Variants in TUBGCP5 observed in about 807,000 individuals in gnomAD.
TUBGCP5 encodes tubulin gamma complex component 5, also known as gamma-tubulin complex component 5.
A neutral mutation model predicts 134.7 loss-of-function variants in TUBGCP5; 98 were observed. The ratio of observed to expected loss-of-function variants is 0.73; its 90% confidence interval spans 0.62 to 0.86. The LOEUF (loss-of-function observed/expected upper bound fraction) is 0.86. TUBGCP5 is among the 40% of genes least tolerant of loss of function. The pLI, the probability that TUBGCP5 is intolerant of heterozygous loss-of-function variation, is 0.00. For synonymous variants in TUBGCP5, 456 were observed against 431.4 expected, an observed-to-expected ratio of 1.06 and a Z score of -0.71; for missense variants, 1,150 against 1,244.8, an observed-to-expected ratio of 0.92 and a Z score of 1.15.
intron 13 of TUBGCP5, among the ~76,000 whole-genome samples, chr15:23,012,738 T>C (rs758309806): frequency 6.6e-6 from 1 of 152,176 alleles, no homozygotes; most frequent in Non-Finnish European, 1.5e-5. Context: ...TATGATCGAG[T>C]CTGAACTGCT....
chr15:23,032,063 T>C (rs767779594), intron 4 of TUBGCP5, 34 bp from the exon 5 acceptor site: 3 of 1,534,490 alleles, frequency 2.0e-6, no homozygotes, highest in Non-Finnish European at 1.8e-6. Flanking sequence ...ATTGGCTTTA[T>C]TATATCTATC....
intron 9 of TUBGCP5, 134 bp downstream of exon 9, chr15:23,024,603 G>C (rs899964948): frequency 3.6e-6 from 2 of 553,096 alleles, no homozygotes; most frequent in Non-Finnish European, 6.2e-6. Context: ...ATATTTTTAA[G>C]TTAGCTTTTT....
chr15:23,031,133 A>C, intron 5 of TUBGCP5, 113 bp from the exon 6 acceptor site: 1 of 1,056,488 alleles, frequency 9.5e-7, no homozygotes. Flanking sequence ...AGCAACATGG[A>C]ACAGAAAAAC....
At chr15:23,035,260 T>C (rs2066518413) in intron 3 of TUBGCP5, among the ~76,000 whole-genome samples, 1 of 147,782 alleles carries the variant, frequency 6.8e-6, no homozygotes, top group African/African-American at 2.5e-5. Context: ...ATCTGGGAAG[T>C]GGGGGTTGCA....
intron 19 of TUBGCP5, 29 bp downstream of exon 19, chr15:23,005,403 G>C: frequency 6.2e-7 from 1 of 1,609,802 alleles, no homozygotes; most frequent in South Asian, 1.1e-5. Context: ...TACGACGATA[G>C]AACTGAAGCA....
rs746991463 is a variant in TUBGCP5 at position 23,036,887 on chromosome 15, G to C, written c.309+10C>G. ...AATACACAGTGGAGATCTCATAATT[G>C]AAGGCATACCTTTATTTCCTTTATA... On this transcript the variant is annotated intron_variant, in intron 3 of 22. Coordinates refer to ENST00000615383, the MANE Select transcript of TUBGCP5 (RefSeq NM_052903.6). The C allele has an allele frequency of 2.0e-6, 3 of 1,511,632 alleles. No individual in the cohort carries two copies. Among genetic ancestry groups the C allele is most frequent in the Non-Finnish European group, 2.7e-6 (3 of 1,095,810 alleles). The allele number at this position is 1,511,632 out of a possible 1,614,324, so 93.6% of individuals were successfully genotyped here.
At chr15:23,036,576 TACAG>T (rs1419475294) in intron 3 of TUBGCP5, among the ~76,000 whole-genome samples, 1 of 152,098 alleles carries the variant, frequency 6.6e-6, no homozygotes, top group Admixed American at 6.6e-5. Flanking sequence ...AGTAAGCATC[TACAG>T]ACAGTCACTG....
intron 15 of TUBGCP5, 31 bp from the exon 16 acceptor site, chr15:23,008,912 A>C (rs558568351): frequency 6.7e-7 from 1 of 1,503,236 alleles, no homozygotes; most frequent in South Asian, 1.4e-5. Flanking sequence ...TGACACTAAG[A>C]TCTCTGGCAT....
rs1394733092 is a variant in TUBGCP5 at position 22,999,858 on chromosome 15, G to C, written c.3037C>G (p.Leu1013Val). The change falls in exon 23 of 23, where the codon CTA becomes GTA. Residue 1013 changes from leucine (L) to valine (V), a missense_variant. Leu to Val is a conservative substitution (Grantham distance 32). This residue lies in a region of TUBGCP5 where 697 missense variants were observed against 850.1 expected (regional missense o/e 0.82). Coordinates refer to ENST00000615383, the MANE Select transcript of TUBGCP5 (RefSeq NM_052903.6). The part of the protein sequence containing the change: ...CRGSFPHLES[L>V]ALSLMAGMEQ... ...ATGCCAGCCATGAGTGACAACGCTA[G>C]AGATTCCACTGTGGGAAGAATAAAA... 6.8e-6 allele frequency: 11 copies of C among 1,613,946 alleles called. No homozygotes were observed. Among genetic ancestry groups the C allele is most frequent in the Middle Eastern group, 1.6e-4 (1 of 6,062 alleles).
chr15:23,005,624 G>A lies in TUBGCP5; in HGVS notation c.2534-14C>T, dbSNP rs768498970. ...TACTAACCAGTTCTATAAAACATTG[G>A]AAGAGCAAAGTGGACAGAAAGAGCA... is the stretch of plus-strand genomic sequence containing the variant. On this transcript the variant is annotated splice_polypyrimidine_tract_variant and intron_variant, in intron 18 of 22. Transcript: ENST00000615383. The A allele has an allele frequency of 3.2e-5, 52 of 1,607,030 alleles. 1 individual carries two copies. The highest frequency in any genetic ancestry group is 1.4e-4 in the Admixed American group (8 of 59,138).
Position 22,989,920 on chromosome 15 carries a change from G to T in TUBGCP5, c.*62-6309C>A, listed in dbSNP as rs1039123629. ...TTTATTTCTTCTGCAGTGAAAACAT[G>T]TGGACTCCAACCAAGAACCCAACCA... On this transcript the variant is annotated intron_variant and NMD_transcript_variant, in intron 23 of 23. Transcript: ENST00000614508. Among the ~76,000 whole-genome samples, 3 of 152,136 alleles carry T rather than the reference G, an allele frequency of 2.0e-5. No homozygotes were observed. In the South Asian group the frequency reaches 6.2e-4, roughly 31 times the overall value.
At chr15:23,005,347 A>G in intron 19 of TUBGCP5, 85 bp downstream of exon 19, 1 of 1,456,604 alleles carries the variant, frequency 6.9e-7, no homozygotes, top group Admixed American at 2.2e-5. Flanking sequence ...GGTATTTTTT[A>G]CTTATAAACA....
In TUBGCP5 at chr15:23,006,283, C is replaced by G; in HGVS notation, c.2397G>C (p.Leu799=). 6.2e-7 allele frequency: 1 copy of G among 1,610,854 alleles called. No individual in the cohort carries two copies. Among genetic ancestry groups the G allele is most frequent in the Non-Finnish European group, 8.5e-7 (1 of 1,179,334 alleles). Residue 799 remains leucine (L), a synonymous_variant, in exon 17 of 23, where the codon CTG becomes CTC. Coordinates refer to ENST00000615383, the MANE Select transcript of TUBGCP5 (RefSeq NM_052903.6). ...CAGCATATACCTTGTAGCTGAGGGT[C>G]AGACCATCTAAGATATGAACAGGCA... ...KKLPVHILDG[L]TLSYKVPWPV...
intron 11 of TUBGCP5, among the ~76,000 whole-genome samples, chr15:23,019,726 G>A (rs1157664421): frequency 6.6e-6 from 1 of 151,938 alleles, no homozygotes; most frequent in East Asian, 1.9e-4. Flanking sequence ...GAATCTGGCA[G>A]GTGGAGGCTG....
rs376487160 is a variant in TUBGCP5, at chr15:23,017,762, G to A, written c.1756+11C>T. 47 of 1,609,470 alleles carry A rather than the reference G, an allele frequency of 2.9e-5. No individual in the cohort carries two copies. The highest frequency in any genetic ancestry group is 3.7e-5 in the Non-Finnish European group (43 of 1,176,974). ...AACACCAAGAGAGACACAGGAAGAC[G>A]GAACAAGTACCTCTGGCTCCTGCCT... On this transcript the variant is annotated intron_variant, in intron 13 of 22. Transcript: ENST00000615383.
intron 23 of TUBGCP5, among the ~76,000 whole-genome samples, chr15:22,992,376 A>G (rs545893270): frequency 3.3e-5 from 5 of 152,278 alleles, no homozygotes; most frequent in African/African-American, 9.6e-5. Context: ...AGGCAGCCCT[A>G]TGGAAACTGA....
chr15:22,992,630 GGA>G (rs2063885279), intron 23 of TUBGCP5, among the ~76,000 whole-genome samples: 1 of 152,114 alleles, frequency 6.6e-6, no homozygotes, highest in Non-Finnish European at 1.5e-5. Context: ...CAGGGTTTGA[GGA>G]GAGTGTTGAT....
intron 12 of TUBGCP5, 76 bp downstream of exon 12, chr15:23,019,143 C>T (rs1349900349): frequency 1.4e-5 from 15 of 1,065,976 alleles, no homozygotes; most frequent in Admixed American, 1.2e-4. Flanking sequence ...CTGAAACTAA[C>T]GAAAGCATTT....
Position 22,993,525 on chromosome 15 carries a change from GTTTTTTTTTTTTTTTTTT to G in TUBGCP5, c.*61+3302_*61+3319del, listed in dbSNP as rs71414252. The stretch of plus-strand genomic sequence containing the variant: ...TAATCCTCCCACCTCAGCCCCCGAA[GTTTTTTTTTTTTTTTTTT>G]TTTTTTTTTTTTTTAATATGAGACG... On this transcript the variant is annotated intron_variant and NMD_transcript_variant, in intron 23 of 23. Coordinates refer to the TUBGCP5 transcript ENST00000614508. Among the ~76,000 whole-genome samples, 7 of 69,274 alleles carry G rather than the reference GTTTTTTTTTTTTTTTTTT, an allele frequency of 1.0e-4. 1 individual carries two copies. In the South Asian group the frequency reaches 3.0e-3, roughly 29 times the overall value. The allele number at this position is 69,274 out of a possible 152,430, so 45.4% of individuals were successfully genotyped here. A position where few individuals can be genotyped will look rare whatever the true frequency, so the allele number is the denominator to read the frequency against.
Sources: allele counts gnomAD v4.1 joint callset (sites outside exome capture counted in the v4.1 genomes callset), GRCh38; gene constraint gnomAD v4.1.1; regional missense constraint gnomAD v4.1.1; transcripts MANE v1.5; gene names NCBI Gene and HGNC (gene_info 2026-07-23, HGNC 2026-07-21).